The following RETREG2 variants were observed in gnomAD, a reference collection of about 807,000 sequenced individuals.
RETREG2 encodes the protein reticulophagy regulator family member 2.
A neutral mutation model predicts 51.6 loss-of-function variants in RETREG2; 21 were observed. That is an observed-to-expected ratio of 0.41 (90% CI 0.29 to 0.59). The LOEUF is 0.59. RETREG2 is among the 20% of genes least tolerant of loss of function. The probability of loss-of-function intolerance (pLI) is 0.34; values close to 1 mark genes in which losing one functional copy is unlikely to be tolerated. For missense variants in RETREG2, 674 were observed against 646.0 expected (o/e 1.04, Z -0.47); for synonymous variants, 339 against 288.6 (o/e 1.17, Z -1.77).
intron 5 of RETREG2, 23 bp from the exon 6 acceptor site, chr2:219,181,039 T>C: frequency 6.2e-7 from 1 of 1,612,510 alleles, no homozygotes; most frequent in Non-Finnish European, 8.5e-7. Flanking sequence ...AGGGAGCTCT[T>C]AGTTCACGTT....
chr2:219,179,818 G>A lies in RETREG2; in HGVS notation c.419+55G>A, dbSNP rs1188630890. On this transcript the variant is annotated intron_variant, in intron 3 of 8. Transcript: ENST00000430297. ...TGCCCACATCCTGTCCTGCTTGCTGGTGCCAGTGTCACCATGGAGCAGGGC... is the reference window on the plus strand; with the variant it reads ...TGCCCACATCCTGTCCTGCTTGCTGATGCCAGTGTCACCATGGAGCAGGGC... The A allele has an allele frequency of 3.8e-6, 6 of 1,570,648 alleles. No individual in the cohort carries two copies. The Admixed American group carries it at 8.3e-5, about 22-fold the overall frequency.
At position 219,178,986 on chromosome 2, in the gene RETREG2, C is replaced by G; in HGVS notation, c.346C>G (p.Leu116Val). The G allele has an allele frequency of 6.2e-7, 1 of 1,614,108 alleles. No homozygotes were observed. Among genetic ancestry groups the G allele is most frequent in the Non-Finnish European group, 8.5e-7 (1 of 1,179,964 alleles). The change falls in exon 2 of 9, where the codon CTG becomes GTG. Residue 116 changes from leucine to valine, a missense_variant. Leu to Val is a conservative substitution (Grantham distance 32). Transcript: ENST00000430297. ...CAGCGTCTCACTTTTGGCCTATTTT[C>G]TGCTGGATCTCTGGCAGCCTCGCTT... Reference protein sequence around the residue: ...LLSVSLLAYFLLDLWQPRFLP... With the variant: ...LLSVSLLAYFVLDLWQPRFLP...
At chr2:219,179,359 AACTT>A (rs573602156) in intron 2 of RETREG2, among the ~76,000 whole-genome samples, 42 of 152,342 alleles carry the variant, frequency 2.8e-4, no homozygotes, top group East Asian at 2.3e-3. Flanking sequence ...CAGATGATAG[AACTT>A]ACTTCATAGA....
rs974935460 is a variant in RETREG2, at chr2:219,178,285, A to T, written c.-68A>T. 5.7e-6 allele frequency: 2 copies of T among 353,878 alleles called. No homozygotes were observed. The highest frequency in any genetic ancestry group is 4.4e-5 in the African/African-American group (2 of 45,216). The allele number at this position is 353,878 out of a possible 1,614,324, so 21.9% of individuals were successfully genotyped here. A position where few individuals can be genotyped will look rare whatever the true frequency, so the allele number is the denominator to read the frequency against. ...CCTCCGCGGCGCCCCCTTCCGCCTG[A>T]CGCGCCCCCGGCGGCGGCCGCGCAG... On this transcript the variant is annotated 5_prime_UTR_variant, in exon 1 of 9. Coordinates refer to ENST00000430297, the MANE Select transcript of RETREG2 (RefSeq NM_024293.6).
intron 8 of RETREG2, 84 bp from the exon 9 acceptor site, chr2:219,181,929 G>A: frequency 1.3e-6 from 2 of 1,567,936 alleles, no homozygotes; most frequent in South Asian, 1.2e-5. Context: ...TCCATGTCTT[G>A]AGTTCTCATC....
At chr2:219,179,967 T>C in intron 3 of RETREG2, 143 bp from the exon 4 acceptor site, 2 of 1,267,748 alleles carry the variant, frequency 1.6e-6, no homozygotes, top group Non-Finnish European at 2.2e-6. Context: ...CTGGCTTTGC[T>C]TCTAAGACCA....
At position 219,179,742 on chromosome 2, in the gene RETREG2, CAG is replaced by C; in HGVS notation, c.401_402del (p.Glu134GlyfsTer5). On this transcript the variant is annotated frameshift_variant, in exon 3 of 9. Coordinates refer to ENST00000430297, the MANE Select transcript of RETREG2 (RefSeq NM_024293.6). LOFTEE classifies it high-confidence loss of function. ...CCTCCTCTCTCTCTAGCATCATCCCCAGAGGAGCCACACTCTGACAGGTGAGT... is the reference window on the plus strand; with the variant it reads ...CCTCCTCTCTCTCTAGCATCATCCCCAGGAGCCACACTCTGACAGGTGAGT... The C allele has an allele frequency of 6.2e-7, 1 of 1,614,098 alleles. No homozygotes were observed. The highest frequency in any genetic ancestry group is 8.5e-7 in the Non-Finnish European group (1 of 1,179,968).
In RETREG2 at chr2:219,184,823, G is replaced by GTTTTTTTTTTTTTTTTTTTTTTTTTTT. The variant is rs1559224136; in HGVS notation, c.*2194_*2195insTTTTTTTTTTTTTTTTTTTTTTTTTTT. 9.7e-5 allele frequency: 3 copies of GTTTTTTTTTTTTTTTTTTTTTTTTTTT among 30,804 alleles called. No individual in the cohort carries two copies. The highest frequency in any genetic ancestry group is 3.6e-4 in the Non-Finnish European group (3 of 8,296). The allele number at this position is 30,804 out of a possible 1,614,324, so 1.9% of individuals were successfully genotyped here. A position where few individuals can be genotyped will look rare whatever the true frequency, so the allele number is the denominator to read the frequency against. ...GTTGTTTTGGTTTTTTGTTTTTTGT[G>GTTTTTTTTTTTTTTTTTTTTTTTTTTT]GGTTTTTTTTTTTTTTTTTTTGAGA... On this transcript the variant is annotated 3_prime_UTR_variant, in exon 9 of 9. Coordinates refer to ENST00000430297, the MANE Select transcript of RETREG2 (RefSeq NM_024293.6).
chr2:219,181,806 C>G, intron 8 of RETREG2, 31 bp downstream of exon 8: 2 of 1,606,982 alleles, frequency 1.2e-6, no homozygotes, highest in Non-Finnish European at 1.7e-6. Context: ...CCCTGCTCCC[C>G]GCCACAATCT....
Position 219,181,115 on chromosome 2 carries a change from A to T in RETREG2, c.694A>T (p.Met232Leu). 2 of 1,614,142 alleles carry T rather than the reference A, an allele frequency of 1.2e-6. No homozygotes were observed. Among genetic ancestry groups the T allele is most frequent in the Non-Finnish European group, 1.7e-6 (2 of 1,180,020 alleles). Reference protein sequence around the residue: ...LVVYHELIQRMYTRLEPLLMQ... With the variant: ...LVVYHELIQRLYTRLEPLLMQ... Reference sequence around the variant, plus strand: ...GGTTTATCATGAGCTGATCCAGAGGATGTACACTCGCCTGGAGCCCCTGCT... The same window carrying T: ...GGTTTATCATGAGCTGATCCAGAGGTTGTACACTCGCCTGGAGCCCCTGCT... Residue 232 changes from methionine to leucine, a missense_variant, in exon 6 of 9, where the codon ATG (methionine) becomes TTG (leucine). Physicochemically the swap from Met to Leu is conservative, Grantham distance 15 (BLOSUM62 2). Transcript: ENST00000430297.
rs1341861765 is a variant in RETREG2 at position 219,183,834 on chromosome 2, A to T, written c.*1205A>T. ...TCTTAAGAAGTCTTCACCCATCTAC[A>T]TGCTAACAACTCACTCAGCCTGGAT... On this transcript the variant is annotated 3_prime_UTR_variant, in exon 9 of 9. Coordinates refer to ENST00000430297, the MANE Select transcript of RETREG2 (RefSeq NM_024293.6). 2.0e-5 allele frequency: 3 copies of T among 152,232 alleles called. No homozygotes were observed. The highest frequency in any genetic ancestry group is 1.5e-5 in the Non-Finnish European group (1 of 68,050). The allele number at this position is 152,232 out of a possible 1,614,324, so 9.4% of individuals were successfully genotyped here. A position where few individuals can be genotyped will look rare whatever the true frequency, so the allele number is the denominator to read the frequency against.
At chr2:219,178,794 T>C (rs1459793700) in intron 1 of RETREG2, 128 bp from the exon 2 acceptor site, 15 of 1,111,624 alleles carry the variant, frequency 1.3e-5, no homozygotes, top group Non-Finnish European at 1.9e-5. Context: ...TTTCTATCTC[T>C]GAGTCGTGAG....
chr2:219,180,581 C>T, intron 4 of RETREG2, 89 bp from the exon 5 acceptor site: 2 of 1,602,460 alleles, frequency 1.2e-6, no homozygotes, highest in Non-Finnish European at 1.7e-6. Context: ...CATACCCATC[C>T]TTCTACCAGC....
In RETREG2 at chr2:219,179,720, C is replaced by T. The variant is rs1950248669; in HGVS notation, c.389-13C>T. On this transcript the variant is annotated splice_polypyrimidine_tract_variant and intron_variant, in intron 2 of 8. Transcript: ENST00000430297. ...CTACCACTCAATAATTTGCCCCCCT[C>T]CTCTCTCTCTAGCATCATCCCCAGA... 6.2e-7 allele frequency: 1 copy of T among 1,613,854 alleles called. No homozygotes were observed. The highest frequency in any genetic ancestry group is 8.5e-7 in the Non-Finnish European group (1 of 1,179,798).
At position 219,184,684 on chromosome 2, in the gene RETREG2, TTAATC is replaced by T. The variant is rs1950325390; in HGVS notation, c.*2058_*2062del. The T allele has an allele frequency of 6.6e-6, 1 of 152,196 alleles. No individual in the cohort carries two copies. The highest frequency in any genetic ancestry group is 2.4e-5 in the African/African-American group (1 of 41,448). 9.4% of individuals were successfully genotyped at this position (152,196 alleles called of 1,614,324 possible). ...GCAATGACTGCAACATGTCCTATCTTTAATCTATTTTCTTATTAAGCTTGGACATT... is the reference window on the plus strand; with the variant it reads ...GCAATGACTGCAACATGTCCTATCTTTATTTTCTTATTAAGCTTGGACATT... On this transcript the variant is annotated 3_prime_UTR_variant, in exon 9 of 9. Transcript: ENST00000430297.
In RETREG2 at chr2:219,181,766, G is replaced by A. The variant is rs61730145; in HGVS notation, c.1006G>A (p.Val336Ile). 1,997 of 1,613,660 alleles carry A rather than the reference G, an allele frequency of 1.2e-3. 43 individuals are homozygous for A. In the Admixed American group the frequency reaches 0.03, roughly 25 times the overall value. ...GGCCACAACTCCGCAGCTGACTGAT[G>A]TCTCCGAGGGTATGGGGAGCCCTTT... ...SRATTPQLTD[V>I]SEDLDQQSLP... Residue 336 changes from valine to isoleucine, a missense_variant, in exon 8 of 9, where the codon GTC (valine) becomes ATC (isoleucine). Coordinates refer to ENST00000430297, the MANE Select transcript of RETREG2 (RefSeq NM_024293.6).
At chr2:219,181,602 C>T (rs751298651) in intron 7 of RETREG2, 38 bp from the exon 8 acceptor site, 10 of 1,609,874 alleles carry the variant, frequency 6.2e-6, no homozygotes, top group Admixed American at 3.3e-5. Flanking sequence ...GTTCTCTTAT[C>T]CCCTCACATG....
chr2:219,181,609 C>T (rs367597439), intron 7 of RETREG2, 31 bp from the exon 8 acceptor site: 1 of 1,612,030 alleles, frequency 6.2e-7, no homozygotes, highest in South Asian at 1.1e-5. Context: ...TATCCCCTCA[C>T]ATGTCGTGTT....
In RETREG2 at chr2:219,183,643, A is replaced by G. The variant is rs1950313407; in HGVS notation, c.*1014A>G. 6.6e-6 allele frequency: 1 copy of G among 152,196 alleles called. No homozygotes were observed. 9.4% of individuals were successfully genotyped at this position (152,196 alleles called of 1,614,324 possible). A position where few individuals can be genotyped will look rare whatever the true frequency, so the allele number is the denominator to read the frequency against. ...AAGCAAGGATTACCTTGACAACCCT[A>G]GCTTCTCCTTAGCCATCTTCCTTGA... On this transcript the variant is annotated 3_prime_UTR_variant, in exon 9 of 9. Coordinates refer to ENST00000430297, the MANE Select transcript of RETREG2 (RefSeq NM_024293.6).
Sources: allele counts gnomAD v4.1 joint callset (sites outside exome capture counted in the v4.1 genomes callset), GRCh38; gene constraint gnomAD v4.1.1; transcripts MANE v1.5; gene names NCBI Gene and HGNC (gene_info 2026-07-23, HGNC 2026-07-21).